Variants in SETBP1 observed in about 807,000 individuals in gnomAD.
The protein encoded by SETBP1 is SET binding protein 1, also known as SET-binding protein.
Under a neutral mutation model 101.0 loss-of-function variants are expected in SETBP1, and 9 were observed. That is an observed-to-expected ratio of 0.09 (90% CI 0.05 to 0.16). SETBP1 has a LOEUF of 0.16. SETBP1 is among the 10% of genes least tolerant of loss of function. The probability of loss-of-function intolerance (pLI) is 1.00; values close to 1 mark genes in which losing one functional copy is unlikely to be tolerated. For synonymous variants in SETBP1, 818 were observed against 788.5 expected (o/e 1.04, Z -0.63); for missense variants, 1,858 against 2,033.8 (o/e 0.91, Z 1.66).
Position 44,950,707 on chromosome 18 carries a change from A to C in SETBP1, c.1367A>C (p.Glu456Ala), listed in dbSNP as rs778418773. The C allele has an allele frequency of 1.2e-6, 2 of 1,614,172 alleles. No individual in the cohort carries two copies. Among genetic ancestry groups the C allele is most frequent in the Admixed American group, 3.3e-5 (2 of 60,022 alleles). The change falls in exon 4 of 6, where the codon GAG becomes GCG. Residue 456 changes from glutamate to alanine, a missense_variant. Physicochemically the swap from Glu to Ala is moderately radical, Grantham distance 107. Around this residue, in one of 12 missense-constraint regions of SETBP1, gnomAD observed 581 missense variants for 535.1 expected, o/e 1.09. Transcript: ENST00000649279. ...EVVNRILSNS[E>A]GNKKDPRVPK... ...GTTAACAGGATACTTTCCAACTCTG[A>C]GGGGAATAAGAAGGATCCCCGTGTC...
chr18:44,849,084 G>A (rs1452218258), intron 2 of SETBP1, among the ~76,000 whole-genome samples: 1 of 152,180 alleles, frequency 6.6e-6, no homozygotes, highest in African/African-American at 2.4e-5. Context: ...AGGCTGTGGG[G>A]ATGCAACATG....
rs577004624 is a variant in SETBP1, at chr18:44,766,558, C to T, written c.486+64726C>T. 3.9e-5 allele frequency among the ~76,000 whole-genome samples: 6 copies of T among 152,244 alleles called. No individual in the cohort carries two copies. In the East Asian group the frequency reaches 1.2e-3, roughly 29 times the overall value. ...GGGTGATAGAAGGGAAGGAGGGGTT[C>T]TTCTTTTAACGTATATAGACTTCCA... On this transcript the variant is annotated intron_variant, in intron 2 of 5. Transcript: ENST00000649279.
chr18:44,942,514 A>G (rs934421901), intron 3 of SETBP1, among the ~76,000 whole-genome samples: 1 of 152,112 alleles, frequency 6.6e-6, no homozygotes, highest in Non-Finnish European at 1.5e-5. Flanking sequence ...TTGTCTTCCC[A>G]GTGAAGTCAC....
At chr18:45,046,049 C>A (rs1044769724) in intron 5 of SETBP1, among the ~76,000 whole-genome samples, 13 of 151,262 alleles carry the variant, frequency 8.6e-5, no homozygotes, top group African/African-American at 2.7e-4. Context: ...ATCCTCTGTG[C>A]CTCCCTGGCT....
chr18:44,999,918 C>T (rs907085377), intron 4 of SETBP1, among the ~76,000 whole-genome samples: 4 of 152,116 alleles, frequency 2.6e-5, no homozygotes, highest in African/African-American at 7.2e-5. Context: ...TAAATACAGC[C>T]GAATTAAGAT....
chr18:44,863,454 C>T (rs188309441), intron 2 of SETBP1, among the ~76,000 whole-genome samples: 159 of 152,316 alleles, frequency 1.0e-3, no homozygotes, highest in Non-Finnish European at 1.8e-3. Flanking sequence ...TAGATGTTTG[C>T]CTCGGCTTGC....
intron 4 of SETBP1, among the ~76,000 whole-genome samples, chr18:45,008,999 C>T (rs911725369): frequency 5.3e-5 from 8 of 152,228 alleles, no homozygotes; most frequent in African/African-American, 1.4e-4. Flanking sequence ...CACAGATGAA[C>T]GAACAGGAGA....
Position 44,952,271 on chromosome 18 carries a change from C to T in SETBP1, c.2931C>T (p.Tyr977=). 1.2e-6 allele frequency: 2 copies of T among 1,614,170 alleles called. No individual in the cohort carries two copies. The highest frequency in any genetic ancestry group is 1.7e-6 in the Non-Finnish European group (2 of 1,180,048). Residue 977 remains tyrosine, a synonymous_variant, in exon 4 of 6, where the codon TAC becomes TAT. Transcript: ENST00000649279. ...FRISHRSYTF[Y]HENPYPSIFR... ...TCTCCCACCGGAGTTACACCTTCTACCACGAGAATCCATATCCCAGCATTT... is the reference window on the plus strand; with the variant it reads ...TCTCCCACCGGAGTTACACCTTCTATCACGAGAATCCATATCCCAGCATTT...
rs566317932 is a variant in SETBP1 at position 44,963,949 on chromosome 18, G to A, written c.4000+10609G>A. ...GGTTATATATACTAAAAGTAAAACC[G>A]GAATGGAGCAGCAAGTCATTAAGAG... On this transcript the variant is annotated intron_variant, in intron 4 of 5. Coordinates refer to ENST00000649279, the MANE Select transcript of SETBP1 (RefSeq NM_015559.3). Among the ~76,000 whole-genome samples, 16 of 140,294 alleles carry A rather than the reference G, an allele frequency of 1.1e-4. No homozygotes were observed. In the East Asian group the frequency reaches 1.9e-3, roughly 16 times the overall value. The allele number at this position is 140,294 out of a possible 152,430, so 92.0% of individuals were successfully genotyped here.
chr18:44,885,890 A>G (rs189707352), intron 3 of SETBP1, among the ~76,000 whole-genome samples: 1 of 144,658 alleles, frequency 6.9e-6, no homozygotes, highest in Non-Finnish European at 1.5e-5. Context: ...ACCCTGTGAG[A>G]GTTGCTTCAA....
intron 2 of SETBP1, among the ~76,000 whole-genome samples, chr18:44,828,771 G>A (rs1439648765): frequency 6.6e-6 from 1 of 152,232 alleles, no homozygotes; most frequent in African/African-American, 2.4e-5. Flanking sequence ...AAGGTTATAA[G>A]GGTGGAACCC....
intron 5 of SETBP1, among the ~76,000 whole-genome samples, chr18:45,042,788 G>A (rs1382114908): frequency 6.6e-6 from 1 of 152,128 alleles, no homozygotes; most frequent in Non-Finnish European, 1.5e-5. Flanking sequence ...GGAGATGCAG[G>A]AGAGAGTGGC....
intron 4 of SETBP1, among the ~76,000 whole-genome samples, chr18:44,958,633 C>T (rs2071544773): frequency 6.6e-6 from 1 of 151,920 alleles, no homozygotes; most frequent in Non-Finnish European, 1.5e-5. Flanking sequence ...TGGGAAGCTT[C>T]ACATCAAGGA....
chr18:44,958,951 A>G (rs911215110), intron 4 of SETBP1, among the ~76,000 whole-genome samples: 26 of 152,178 alleles, frequency 1.7e-4, no homozygotes, highest in Admixed American at 5.9e-4. Flanking sequence ...GAATTAATCA[A>G]ATTAAATGAT....
At chr18:44,700,367 A>G (rs997980432) in intron 1 of SETBP1, among the ~76,000 whole-genome samples, 1 of 152,090 alleles carries the variant, frequency 6.6e-6, no homozygotes, top group Non-Finnish European at 1.5e-5. Flanking sequence ...GCTGCTATGG[A>G]GACACAATAC....
In SETBP1 at chr18:44,693,029, T is replaced by A. The variant is rs147861964; in HGVS notation, c.-172-8146T>A. On this transcript the variant is annotated intron_variant, in intron 1 of 5. Transcript: ENST00000649279. The stretch of plus-strand genomic sequence containing the variant: ...TGTCCTTTGCTATAGACAGGTGATG[T>A]ATCTTCAGGGTCAGAGAACCATGGT... Among the ~76,000 whole-genome samples, 796 of 152,308 alleles carry A rather than the reference T, an allele frequency of 5.2e-3. 8 individuals are homozygous for A. Among genetic ancestry groups the A allele is most frequent in the African/African-American group, 0.018 (747 of 41,564 alleles).
rs532113772 is a variant in SETBP1 at position 44,957,301 on chromosome 18, A to C, written c.4000+3961A>C. ...TTTTCTATTCAGACCACTTGGAAACAATCTTTGCATACTTTGACCTAAACT... is the reference window on the plus strand; with the variant it reads ...TTTTCTATTCAGACCACTTGGAAACCATCTTTGCATACTTTGACCTAAACT... On this transcript the variant is annotated intron_variant, in intron 4 of 5. Coordinates refer to ENST00000649279, the MANE Select transcript of SETBP1 (RefSeq NM_015559.3). Among the ~76,000 whole-genome samples the C allele has an allele frequency of 2.6e-5, 4 of 152,246 alleles. No homozygotes were observed. In the East Asian group the frequency reaches 7.7e-4, roughly 29 times the overall value.
intron 4 of SETBP1, among the ~76,000 whole-genome samples, chr18:45,007,269 T>C (rs1704596022): frequency 6.6e-6 from 1 of 152,216 alleles, no homozygotes; most frequent in African/African-American, 2.4e-5. Context: ...TTTATCTCTT[T>C]CATTTCTCCT....
At chr18:44,693,816 G>A (rs2068972852) in intron 1 of SETBP1, among the ~76,000 whole-genome samples, 1 of 152,184 alleles carries the variant, frequency 6.6e-6, no homozygotes, top group Admixed American at 6.5e-5. Flanking sequence ...AGAAAAGCAG[G>A]CAGTCATCAA....
Sources: allele counts gnomAD v4.1 joint callset (sites outside exome capture counted in the v4.1 genomes callset), GRCh38; gene constraint gnomAD v4.1.1; regional missense constraint gnomAD v4.1.1; transcripts MANE v1.5; gene names NCBI Gene and HGNC (gene_info 2026-07-23, HGNC 2026-07-21).